The following TREML4 variants were observed in gnomAD, a reference collection of about 807,000 sequenced individuals.
The protein encoded by TREML4 is triggering receptor expressed on myeloid cells like 4.
Under a neutral mutation model 25.4 loss-of-function variants are expected in TREML4, and 25 were observed. That is an observed-to-expected ratio of 0.98 (90% CI 0.72 to 1.37). The LOEUF (loss-of-function observed/expected upper bound fraction) is 1.37. TREML4 is among the 40% of genes most tolerant of loss of function. The pLI is 0.00. For missense variants in TREML4, 268 were observed against 236.5 expected (o/e 1.13, Z -0.87); for synonymous variants, 92 against 87.9 (o/e 1.05, Z -0.26).
intron 4 of TREML4, chr6:41,232,586 T>G (rs1478181007): frequency 6.4e-6 from 1 of 155,624 alleles, no homozygotes; most frequent in East Asian, 1.8e-4. Context: ...TATTACATTT[T>G]AATATATAAT....
intron 4 of TREML4, among the ~76,000 whole-genome samples, chr6:41,233,160 A>T (rs1399810095): frequency 6.6e-6 from 1 of 152,236 alleles, no homozygotes; most frequent in Non-Finnish European, 1.5e-5. Flanking sequence ...CAGCAAAATA[A>T]AACTCTAGCC....
At chr6:41,229,133 C>T in intron 2 of TREML4, 89 bp downstream of exon 2, 1 of 1,192,896 alleles carries the variant, frequency 8.4e-7, no homozygotes, top group Non-Finnish European at 1.2e-6. Flanking sequence ...CCTCTATCAT[C>T]CCCCATCCTG....
chr6:41,228,621 A>T (rs1444170767), intron 1 of TREML4, 93 bp from the exon 2 acceptor site: 2 of 1,501,152 alleles, frequency 1.3e-6, no homozygotes, highest in South Asian at 2.5e-5. Context: ...CATCAGAACT[A>T]GTTCCCCCTC....
chr6:41,232,408 A>G (rs1055606047), intron 4 of TREML4: 11 of 412,268 alleles, frequency 2.7e-5, no homozygotes, highest in Non-Finnish European at 5.0e-5. Context: ...AAATACATTC[A>G]TGGTCATTGA....
At chr6:41,231,076 G>C (rs1302649085) in intron 4 of TREML4, 1 of 438,520 alleles carries the variant, frequency 2.3e-6, no homozygotes, top group Non-Finnish European at 4.6e-6. Context: ...ATCACTCCCA[G>C]ATGGGACCAC....
rs111992965 is a variant in TREML4, at chr6:41,229,588, G to T, written c.445+17G>T. ...CAAGCACAGGTAGGTTGGAGGCCTCGGTGGGGGAAGATTAGAAGGGTCACC... is the reference window on the plus strand; with the variant it reads ...CAAGCACAGGTAGGTTGGAGGCCTCTGTGGGGGAAGATTAGAAGGGTCACC... On this transcript the variant is annotated intron_variant, in intron 3 of 5. Transcript: ENST00000341495. 2.8e-4 allele frequency: 454 copies of T among 1,613,500 alleles called. No homozygotes were observed. In the African/African-American group the frequency reaches 4.7e-3, roughly 17 times the overall value.
rs1766719515 is a variant in TREML4, at chr6:41,228,452, T to G, written c.25T>G (p.Cys9Gly). 1.9e-6 allele frequency: 3 copies of G among 1,612,736 alleles called. No individual in the cohort carries two copies. Among genetic ancestry groups the G allele is most frequent in the Non-Finnish European group, 2.5e-6 (3 of 1,179,400 alleles). ...AATGGCCTGGGGTGGGGTCCACACC[T>G]GCTGCTTCCACCTGTGCTGCTGCTG... MAWGGVHT[C>G]CFHLCCCCSW... The change falls in exon 1 of 6, where the codon TGC becomes GGC. Residue 9 changes from cysteine to glycine, a missense_variant. Physicochemically the swap from Cys to Gly is radical, Grantham distance 159. Transcript: ENST00000341495.
chr6:41,236,552 ACTC>A lies in TREML4; in HGVS notation c.579_581del (p.Leu194del), dbSNP rs1166145855. ...GATTCCTGGTCTTGGTGCTATGTGG[ACTC>A]CTCCTGGCCAAGGGCCTGATGTTGT... On this transcript the variant is annotated inframe_deletion, in exon 5 of 6. Coordinates refer to ENST00000341495, the MANE Select transcript of TREML4 (RefSeq NM_198153.3). 3 of 1,613,046 alleles carry A rather than the reference ACTC, an allele frequency of 1.9e-6. No individual in the cohort carries two copies. The Admixed American group carries it at 5.0e-5, about 27-fold the overall frequency.
rs1362067367 is a variant in TREML4 at position 41,228,750 on chromosome 6, C to T, written c.100C>T (p.Gln34Ter). The change falls in exon 2 of 6, where the codon CAG becomes TAG. Residue 34 changes from glutamine to a stop codon, truncating the protein, a stop_gained. Coordinates refer to ENST00000341495, the MANE Select transcript of TREML4 (RefSeq NM_198153.3). LOFTEE classifies it high-confidence loss of function. ...TGAAGAACTTCACAAACACCCAGGA[C>T]AGACCCTCCTCCTGCAATGCCAGTA... ...VPEELHKHPG[Q>*]TLLLQCQYSP... 6.2e-7 allele frequency: 1 copy of T among 1,614,060 alleles called. No homozygotes were observed. The highest frequency in any genetic ancestry group is 8.5e-7 in the Non-Finnish European group (1 of 1,179,986).
intron 4 of TREML4, chr6:41,232,503 A>G: frequency 1.4e-5 from 3 of 215,266 alleles, no homozygotes; most frequent in Non-Finnish European, 3.0e-5. Context: ...ATGGACTTGG[A>G]GGTAGGGGAT....
intron 4 of TREML4, among the ~76,000 whole-genome samples, chr6:41,234,649 A>T (rs1050756077): frequency 1.3e-5 from 2 of 151,980 alleles, no homozygotes; most frequent in Admixed American, 1.3e-4. Flanking sequence ...CAATTTCCTA[A>T]CAATATGAAC....
intron 4 of TREML4, among the ~76,000 whole-genome samples, chr6:41,232,686 G>A (rs956914481): frequency 5.9e-5 from 9 of 152,186 alleles, no homozygotes; most frequent in Non-Finnish European, 1.3e-4. Context: ...TGGGGGTGAT[G>A]GGAGACAGTG....
Position 41,228,722 on chromosome 6 carries a change from G to C in TREML4, c.72G>C (p.Val24=). Residue 24 remains valine, a synonymous_variant, in exon 2 of 6, where the codon GTG becomes GTC. Transcript: ENST00000341495. ...CCCCSWPQGA[V]PEELHKHPGQ... Reference sequence around the variant, plus strand: ...CCGGTTCCTGGGTAAAGGGTGCTGTGCCTGAAGAACTTCACAAACACCCAG... The same window carrying C: ...CCGGTTCCTGGGTAAAGGGTGCTGTCCCTGAAGAACTTCACAAACACCCAG... 2 of 1,612,806 alleles carry C rather than the reference G, an allele frequency of 1.2e-6. No individual in the cohort carries two copies. The highest frequency in any genetic ancestry group is 1.7e-6 in the Non-Finnish European group (2 of 1,179,240).
chr6:41,236,356 C>T (rs9394777), intron 4 of TREML4, 130 bp from the exon 5 acceptor site: 2 of 689,064 alleles, frequency 2.9e-6, no homozygotes, highest in Admixed American at 4.8e-5. Flanking sequence ...CCACACCCCT[C>T]TGTCATCGTT....
In TREML4 at chr6:41,228,699, G is replaced by A. The variant is rs760321892; in HGVS notation, c.64-15G>A. The A allele has an allele frequency of 1.8e-5, 29 of 1,603,744 alleles. No homozygotes were observed. The highest frequency in any genetic ancestry group is 8.5e-5 in the Admixed American group (5 of 58,994). On this transcript the variant is annotated splice_polypyrimidine_tract_variant and intron_variant, in intron 1 of 5. Coordinates refer to ENST00000341495, the MANE Select transcript of TREML4 (RefSeq NM_198153.3). ...GCTCTGACCTGGGTTTCTTTCTGCC[G>A]GTTCCTGGGTAAAGGGTGCTGTGCC... is the stretch of plus-strand genomic sequence containing the variant.
Position 41,228,916 on chromosome 6 carries a change from C to T in TREML4, c.266C>T (p.Ala89Val), listed in dbSNP as rs1401770093. 6.2e-7 allele frequency: 1 copy of T among 1,614,064 alleles called. No homozygotes were observed. The highest frequency in any genetic ancestry group is 1.3e-5 in the African/African-American group (1 of 74,934). ...TACACAATCTGGGACAAGCCCAATG[C>T]TGGCTTCTTCAACATCACCATGATT... is the stretch of plus-strand genomic sequence containing the variant. Reference protein sequence around the residue: ...SHYTIWDKPNAGFFNITMIQL... With the variant: ...SHYTIWDKPNVGFFNITMIQL... Residue 89 changes from alanine to valine, a missense_variant, in exon 2 of 6, where the codon GCT becomes GTT. Transcript: ENST00000341495.
At chr6:41,230,197 C>G in intron 4 of TREML4, 75 bp downstream of exon 4, 1 of 1,260,196 alleles carries the variant, frequency 7.9e-7, no homozygotes, top group Non-Finnish European at 1.2e-6. Context: ...ACCTTGGAAT[C>G]AAGTCCAGGG....
At chr6:41,230,166 G>A (rs752468814) in intron 4 of TREML4, 44 bp downstream of exon 4, 1 of 1,509,838 alleles carries the variant, frequency 6.6e-7, no homozygotes, top group South Asian at 1.1e-5. Context: ...CTTGGGAAGG[G>A]AGGGCCTGAT....
intron 4 of TREML4, among the ~76,000 whole-genome samples, chr6:41,233,715 G>A (rs571663162): frequency 6.6e-6 from 1 of 151,758 alleles, no homozygotes; most frequent in East Asian, 1.9e-4. Flanking sequence ...AAATAGAGGG[G>A]TTTAAGTTTT....
Sources: allele counts gnomAD v4.1 joint callset (sites outside exome capture counted in the v4.1 genomes callset), GRCh38; gene constraint gnomAD v4.1.1; transcripts MANE v1.5; gene names NCBI Gene and HGNC (gene_info 2026-07-23, HGNC 2026-07-21).